STAG1: variants seen among roughly 807,000 people sequenced by gnomAD.
STAG1 encodes cohesin subunit SA-1.
STAG1 carries 26 observed loss-of-function variants against 170.9 expected under a neutral mutation model. That is an observed-to-expected ratio of 0.15 (90% CI 0.11 to 0.21). STAG1 has a LOEUF of 0.21. Ranked by LOEUF, STAG1 falls within the 10% of genes least tolerant of loss-of-function variation. The probability of loss-of-function intolerance (pLI) is 1.00; values close to 1 mark genes in which losing one functional copy is unlikely to be tolerated. For synonymous variants in STAG1, 514 were observed against 497.7 expected (o/e 1.03, Z -0.44); for missense variants, 964 against 1,509.5 (o/e 0.64, Z 5.99).
At chr3:136,674,185 G>GGGAGGGAA (rs1244266082) in intron 1 of STAG1, among the ~76,000 whole-genome samples, 4 of 116,226 alleles carry the variant, frequency 3.4e-5, no homozygotes, top group African/African-American at 1.6e-4. Context: ...GAGGGAGGGA[G>GGGAGGGAA]GGAGGGAAGG....
chr3:136,378,704 C>A (rs1206903904), intron 22 of STAG1, among the ~76,000 whole-genome samples: 1 of 152,240 alleles, frequency 6.6e-6, no homozygotes, highest in East Asian at 1.9e-4. Flanking sequence ...TACAACCCAC[C>A]AGGCACTGGT....
intron 21 of STAG1, among the ~76,000 whole-genome samples, chr3:136,415,768 G>C (rs559989875): frequency 3.2e-4 from 49 of 152,310 alleles, no homozygotes; most frequent in Middle Eastern, 3.4e-3. Flanking sequence ...GTCACAGTGA[G>C]CTGAGACCAC....
Position 136,653,100 on chromosome 3 carries a change from C to A in STAG1, c.-83-22119G>T, listed in dbSNP as rs550555994. Among the ~76,000 whole-genome samples the A allele has an allele frequency of 1.8e-3, 268 of 152,136 alleles. 1 individual carries two copies. Among genetic ancestry groups the A allele is most frequent in the African/African-American group, 6.3e-3 (261 of 41,512 alleles). Reference sequence around the variant, plus strand: ...CCAGCCTGACCAACATAGAGAAACCCTGTCTCTACTAAAAATACAAAATTT... The same window carrying A: ...CCAGCCTGACCAACATAGAGAAACCATGTCTCTACTAAAAATACAAAATTT... On this transcript the variant is annotated intron_variant, in intron 1 of 33. Transcript: ENST00000383202.
At chr3:136,630,822 C>A in intron 2 of STAG1, 48 bp downstream of exon 2, 3 of 1,371,082 alleles carry the variant, frequency 2.2e-6, no homozygotes, top group South Asian at 2.6e-5. Flanking sequence ...ATAAGTTGTC[C>A]AAAATTTTCC....
chr3:136,523,411 G>A (rs894966666), intron 6 of STAG1, among the ~76,000 whole-genome samples: 5 of 63,140 alleles, frequency 7.9e-5, no homozygotes, highest in African/African-American at 1.5e-4. Context: ...CTTGTTGATG[G>A]GGTTGTTTTC....
At chr3:136,707,980 A>T (rs4038578) in intron 1 of STAG1, among the ~76,000 whole-genome samples, 99,248 of 151,918 alleles carry the variant, frequency 0.65, 34,604 homozygotes, top group African/African-American at 0.89. Flanking sequence ...ATATTTTTTT[A>T]AAAAAAAGGA....
chr3:136,455,391 G>C (rs1269998211), intron 13 of STAG1, among the ~76,000 whole-genome samples: 1 of 152,130 alleles, frequency 6.6e-6, no homozygotes, highest in Admixed American at 6.5e-5. Flanking sequence ...CTACAAGCTG[G>C]CAAAACTCAA....
In STAG1 at chr3:136,343,934, G is replaced by A. The variant is rs202006522; in HGVS notation, c.3344C>T (p.Pro1115Leu). The change falls in exon 30 of 34, where the codon CCA (proline) becomes CTA (leucine). Residue 1115 changes from proline to leucine, a missense_variant. By Grantham distance (98) the Pro-to-Leu change is moderately conservative. Transcript: ENST00000383202. ...MIQTPGPLPA[P>L]QLTSTVLREN... Reference sequence around the variant, plus strand: ...CCGCAGTACAGTGGATGTGAGTTGTGGTGCTGGCAGGGGGCCAGGAGTCTG... The same window carrying A: ...CCGCAGTACAGTGGATGTGAGTTGTAGTGCTGGCAGGGGGCCAGGAGTCTG... The A allele has an allele frequency of 6.2e-7, 1 of 1,612,132 alleles. No homozygotes were observed.
intron 1 of STAG1, among the ~76,000 whole-genome samples, chr3:136,707,920 A>C (rs1351987451): frequency 6.6e-6 from 1 of 152,086 alleles, no homozygotes; most frequent in Non-Finnish European, 1.5e-5. Flanking sequence ...AAATTTCAAC[A>C]TGAGTTTTGG....
chr3:136,478,839 G>A (rs1298951632), intron 9 of STAG1, among the ~76,000 whole-genome samples: 1 of 152,094 alleles, frequency 6.6e-6, no homozygotes, highest in Non-Finnish European at 1.5e-5. Flanking sequence ...AGGCTCTGGA[G>A]GAAGACATCC....
chr3:136,685,294 C>T (rs1332344811), intron 1 of STAG1, among the ~76,000 whole-genome samples: 8 of 151,856 alleles, frequency 5.3e-5, no homozygotes, highest in Admixed American at 3.3e-4. Context: ...CCAGCCTGGG[C>T]GACAGAATGA....
At chr3:136,361,623 T>G (rs1936865171) in intron 26 of STAG1, among the ~76,000 whole-genome samples, 2 of 152,124 alleles carry the variant, frequency 1.3e-5, no homozygotes, top group Admixed American at 6.5e-5. Context: ...ATAATTATTA[T>G]TATTAGAAAT....
At chr3:136,391,287 C>T (rs2087002048) in intron 22 of STAG1, among the ~76,000 whole-genome samples, 1 of 151,412 alleles carries the variant, frequency 6.6e-6, no homozygotes, top group African/African-American at 2.4e-5. Context: ...AGCAGGACAG[C>T]TCCTCCCAGG....
chr3:136,583,001 C>A (rs1937626178), intron 4 of STAG1, among the ~76,000 whole-genome samples: 1 of 152,020 alleles, frequency 6.6e-6, no homozygotes, highest in Admixed American at 6.6e-5. Flanking sequence ...AATTTTTAGA[C>A]CCATTCTGAA....
At position 136,422,865 on chromosome 3, in the gene STAG1, G is replaced by C; in HGVS notation, c.1744-8C>G. The C allele has an allele frequency of 1.2e-6, 2 of 1,600,116 alleles. No individual in the cohort carries two copies. ...CTCTGCATCTGCAGAATACTAGAAG[G>C]AGAAGCAAAGAAAAAGACAGTAACT... On this transcript the variant is annotated splice_region_variant and splice_polypyrimidine_tract_variant and intron_variant, in intron 17 of 33. Coordinates refer to ENST00000383202, the MANE Select transcript of STAG1 (RefSeq NM_005862.3).
At chr3:136,678,836 G>C (rs2107884132) in intron 1 of STAG1, among the ~76,000 whole-genome samples, 1 of 98,500 alleles carries the variant, frequency 1.0e-5, no homozygotes, top group East Asian at 3.1e-4. Flanking sequence ...AACATAGCAA[G>C]ACCCCCATGC....
chr3:136,650,838 T>C (rs569934764), intron 1 of STAG1, among the ~76,000 whole-genome samples: 1 of 151,826 alleles, frequency 6.6e-6, no homozygotes, highest in South Asian at 2.1e-4. Flanking sequence ...CCCTGAGCAG[T>C]TCAACTGAAT....
intron 8 of STAG1, among the ~76,000 whole-genome samples, chr3:136,500,806 G>A (rs981418947): frequency 3.3e-5 from 5 of 152,134 alleles, no homozygotes; most frequent in African/African-American, 1.2e-4. Flanking sequence ...AAAGGATCCT[G>A]GCTACTTATG....
At chr3:136,656,014 G>A (rs1386103650) in intron 1 of STAG1, among the ~76,000 whole-genome samples, 2 of 151,936 alleles carry the variant, frequency 1.3e-5, no homozygotes, top group African/African-American at 2.4e-5. Flanking sequence ...TTCAATCAAG[G>A]AAGCAACTCA....
Sources: allele counts gnomAD v4.1 joint callset (sites outside exome capture counted in the v4.1 genomes callset), GRCh38; gene constraint gnomAD v4.1.1; transcripts MANE v1.5; gene names NCBI Gene and HGNC (gene_info 2026-07-23, HGNC 2026-07-21).